The following DIAPH2 variants were observed in gnomAD, a reference collection of about 807,000 sequenced individuals.
The protein encoded by DIAPH2 is diaphanous related formin 2.
A neutral mutation model predicts 92.7 loss-of-function variants in DIAPH2; 35 were observed. The observed-to-expected ratio is 0.38, with a 90% CI of 0.29 to 0.50. The LOEUF (loss-of-function observed/expected upper bound fraction) is 0.50. Among genes scored for constraint, DIAPH2 ranks in the 20% least tolerant of loss-of-function variants. The pLI is 0.94. For synonymous variants in DIAPH2, 301 were observed against 280.4 expected (o/e 1.07, Z -0.73); for missense variants, 701 against 819.5 (o/e 0.86, Z 1.77).
chrX:97,312,639 G>T (rs2068806771), intron 23 of DIAPH2, among the ~76,000 whole-genome samples: 1 of 111,299 alleles, frequency 9.0e-6, no homozygotes, highest in African/African-American at 3.3e-5. Context: ...ATCGGCCAGT[G>T]CACCCGGCAA....
rs141981932 is a variant in DIAPH2 at position 97,258,870 on chromosome X, C to CAA, written c.2844+11051_2844+11052dup. On this transcript the variant is annotated intron_variant, in intron 23 of 26. Transcript: ENST00000324765. ...TGGGCGACAGAGCGAGACTCCGTCT[C>CAA]AAAAAAAAAAAAAAAAAAAAACAAC... Among the ~76,000 whole-genome samples, 354 of 38,825 alleles carry CAA rather than the reference C, an allele frequency of 9.1e-3. 9 individuals are homozygous for CAA. Among genetic ancestry groups the CAA allele is most frequent in the African/African-American group, 0.026 (214 of 8,225 alleles). 33.7% of individuals were successfully genotyped at this position (38,825 alleles called of 115,157 possible). A position where few individuals can be genotyped will look rare whatever the true frequency, so the allele number is the denominator to read the frequency against.
intron 25 of DIAPH2, among the ~76,000 whole-genome samples, chrX:97,419,570 C>T (rs2069985823): frequency 8.9e-6 from 1 of 111,790 alleles, no homozygotes; most frequent in African/African-American, 3.2e-5. Flanking sequence ...GTTTGACTTC[C>T]TCTACTCAAG....
At chrX:96,970,097 T>G (rs780048910) in intron 17 of DIAPH2, among the ~76,000 whole-genome samples, 5 of 112,131 alleles carry the variant, frequency 4.5e-5, no homozygotes, top group African/African-American at 1.6e-4. Context: ...AACTTTCTGA[T>G]GTTGTGCTTG....
Position 97,600,931 on chromosome X carries a change from A to ATT in DIAPH2, c.*1615_*1616dup, listed in dbSNP as rs943274575. The ATT allele has an allele frequency of 2.7e-5, 3 of 111,652 alleles. No homozygotes were observed. The highest frequency in any genetic ancestry group is 6.5e-5 in the African/African-American group (2 of 30,634). The allele number at this position is 111,652 out of a possible 1,213,427, so 9.2% of individuals were successfully genotyped here. On this transcript the variant is annotated 3_prime_UTR_variant, in exon 27 of 27. Coordinates refer to ENST00000324765, the MANE Select transcript of DIAPH2 (RefSeq NM_006729.5). The stretch of plus-strand genomic sequence containing the variant: ...GCCTCCAGTGCATCCTTACTTAGGT[A>ATT]TTATACTTCTTTAAAAAGCTCTGAA...
At chrX:97,227,974 C>T (rs1214554373) in intron 22 of DIAPH2, among the ~76,000 whole-genome samples, 1 of 111,301 alleles carries the variant, frequency 9.0e-6, no homozygotes, top group East Asian at 2.8e-4. Flanking sequence ...TATATGAGCT[C>T]ACTGCAGCCT....
chrX:96,796,431 G>A (rs1361131661), intron 4 of DIAPH2, among the ~76,000 whole-genome samples: 1 of 111,659 alleles, frequency 9.0e-6, no homozygotes, highest in Non-Finnish European at 1.9e-5. Flanking sequence ...CCACCTGCCT[G>A]GGCCTCCCAA....
intron 9 of DIAPH2, among the ~76,000 whole-genome samples, chrX:96,925,789 A>G (rs1354133329): frequency 1.8e-5 from 2 of 111,236 alleles, no homozygotes; most frequent in Non-Finnish European, 3.8e-5. Flanking sequence ...CCACCCTTCT[A>G]CATATGTTTT....
chrX:96,875,944 C>T (rs745592440), intron 4 of DIAPH2, among the ~76,000 whole-genome samples: 5 of 110,234 alleles, frequency 4.5e-5, no homozygotes, highest in South Asian at 3.9e-4. Flanking sequence ...GCTTCTGCAC[C>T]GCAAAAGAAA....
At chrX:97,410,536 G>A (rs867771901) in intron 25 of DIAPH2, among the ~76,000 whole-genome samples, 4 of 112,057 alleles carry the variant, frequency 3.6e-5, no homozygotes, top group Admixed American at 9.5e-5. Context: ...CTCCAGCAAC[G>A]AAACAAAGCT....
intron 5 of DIAPH2, among the ~76,000 whole-genome samples, chrX:96,911,918 A>C (rs774962074): frequency 8.9e-6 from 1 of 111,937 alleles, no homozygotes; most frequent in East Asian, 2.8e-4. Flanking sequence ...AAGGTGAAAG[A>C]AATGGGTCAT....
chrX:97,274,926 A>G (rs985727404), intron 23 of DIAPH2, among the ~76,000 whole-genome samples: 22 of 111,290 alleles, frequency 2.0e-4, no homozygotes, highest in Non-Finnish European at 3.6e-4. Context: ...CTGAGTGGAC[A>G]CAGCACATGT....
chrX:96,856,438 G>A (rs1478973777), intron 4 of DIAPH2, among the ~76,000 whole-genome samples: 2 of 92,915 alleles, frequency 2.2e-5, no homozygotes, highest in Non-Finnish European at 4.3e-5. Context: ...AGAATTCAAG[G>A]TTTTTTTTTT....
At chrX:96,884,147 G>A in intron 5 of DIAPH2, 1 of 450,015 alleles carries the variant, frequency 2.2e-6, no homozygotes, top group Non-Finnish European at 3.8e-6. Flanking sequence ...CAGGTAGCGT[G>A]ACGCTTGTCA....
intron 4 of DIAPH2, among the ~76,000 whole-genome samples, chrX:96,768,830 A>G (rs947794463): frequency 7.2e-5 from 8 of 111,498 alleles, no homozygotes; most frequent in Non-Finnish European, 1.3e-4. Context: ...CTAAAAACAT[A>G]TGTTAAGCAT....
At chrX:96,905,584 T>C (rs909269018) in intron 5 of DIAPH2, among the ~76,000 whole-genome samples, 18 of 111,709 alleles carry the variant, frequency 1.6e-4, no homozygotes, top group African/African-American at 5.5e-4. Flanking sequence ...AAGATTTTCT[T>C]TCCTTTGATC....
intron 22 of DIAPH2, among the ~76,000 whole-genome samples, chrX:97,166,702 T>C (rs768495269): frequency 9.0e-6 from 1 of 111,662 alleles, no homozygotes; most frequent in African/African-American, 3.2e-5. Flanking sequence ...GTATAAAGAA[T>C]AGTGATAATT....
chrX:96,991,533 T>C lies in DIAPH2; in HGVS notation c.2050+26326T>C, dbSNP rs764589576. On this transcript the variant is annotated intron_variant, in intron 17 of 26. Transcript: ENST00000324765. ...TGATTGAAACCAAGGTATCCTGTTT[T>C]ATGGTGTTTTTTTTTTTTTTTTTTA... Among the ~76,000 whole-genome samples the C allele has an allele frequency of 3.0e-4, 19 of 62,857 alleles. No homozygotes were observed. In the East Asian group the frequency reaches 5.6e-3, roughly 19 times the overall value. 54.6% of individuals were successfully genotyped at this position (62,857 alleles called of 115,157 possible).
intron 21 of DIAPH2, among the ~76,000 whole-genome samples, chrX:97,137,392 T>A (rs1173144040): frequency 1.1e-4 from 11 of 104,218 alleles, no homozygotes; most frequent in African/African-American, 3.9e-4. Context: ...TTATTGACTA[T>A]CTAGTATTTT....
intron 4 of DIAPH2, among the ~76,000 whole-genome samples, chrX:96,775,352 C>CG (rs1246592564): frequency 2.5e-4 from 8 of 31,537 alleles, no homozygotes; most frequent in Non-Finnish European, 6.4e-4. Context: ...TCAACGTGTG[C>CG]TTGTGTGTGT....
Sources: allele counts gnomAD v4.1 joint callset (sites outside exome capture counted in the v4.1 genomes callset), GRCh38; gene constraint gnomAD v4.1.1; transcripts MANE v1.5; gene names NCBI Gene and HGNC (gene_info 2026-07-23, HGNC 2026-07-21).